The following TTC39A variants were observed in gnomAD, a reference collection of about 807,000 sequenced individuals.
TTC39A encodes tetratricopeptide repeat protein 39A.
TTC39A carries 46 observed loss-of-function variants against 82.3 expected under a neutral mutation model. The ratio of observed to expected loss-of-function variants is 0.56; its 90% confidence interval spans 0.44 to 0.71. The LOEUF is 0.71. Ranked by LOEUF, TTC39A falls within the 30% of genes least tolerant of loss-of-function variation. The pLI is 0.00. For missense variants in TTC39A, 543 were observed against 712.9 expected, an observed-to-expected ratio of 0.76 and a Z score of 2.71; for synonymous variants, 254 against 275.2, an observed-to-expected ratio of 0.92 and a Z score of 0.76.
At chr1:51,323,737 T>C (rs1645611258) in intron 1 of TTC39A, among the ~76,000 whole-genome samples, 1 of 152,228 alleles carries the variant, frequency 6.6e-6, no homozygotes, top group African/African-American at 2.4e-5. Context: ...TGGTTCTTTT[T>C]CAAATCTTAG....
chr1:51,319,245 A>G (rs1157504830), intron 2 of TTC39A, among the ~76,000 whole-genome samples: 2 of 152,176 alleles, frequency 1.3e-5, no homozygotes, highest in African/African-American at 4.8e-5. Context: ...GGTTACAGAG[A>G]TAAAGAAGTC....
chr1:51,302,706 CTAG>C, intron 9 of TTC39A, 133 bp from the exon 10 acceptor site: 3 of 984,480 alleles, frequency 3.0e-6, no homozygotes, highest in Non-Finnish European at 4.7e-6. Context: ...CTCCCTGTCC[CTAG>C]GGTGACATGA....
At chr1:51,340,132 T>C (rs116141944) in intron 1 of TTC39A, among the ~76,000 whole-genome samples, 4,834 of 152,306 alleles carry the variant, frequency 0.032, 127 homozygotes, top group Non-Finnish European at 0.05. Context: ...CCTCCCGAAC[T>C]GTGAGAAATA....
upstream of TTC39A, chr1:51,331,223 C>A: frequency 6.5e-7 from 1 of 1,549,950 alleles, no homozygotes; most frequent in Non-Finnish European, 8.7e-7. Context: ...GGCCCCTTTC[C>A]CCCTTGGCCC....
At chr1:51,344,838 C>T (rs1480412131) in intron 1 of TTC39A, among the ~76,000 whole-genome samples, 2 of 152,190 alleles carry the variant, frequency 1.3e-5, no homozygotes, top group African/African-American at 4.8e-5. Context: ...CGGCGCTGCC[C>T]CTCTCGGGCC....
chr1:51,297,647 G>A, intron 12 of TTC39A: 1 of 152,374 alleles, frequency 6.6e-6, no homozygotes, highest in Non-Finnish European at 1.5e-5. Flanking sequence ...CTTGCCCTAC[G>A]GCTCTCATTA....
chr1:51,289,894 G>T, intron 16 of TTC39A, 111 bp downstream of exon 16: 1 of 774,522 alleles, frequency 1.3e-6, no homozygotes, highest in Non-Finnish European at 2.1e-6. Context: ...CCTGTGTGGT[G>T]AGTGGGGGTT....
chr1:51,292,431 CTATTT>C (rs1273966155), intron 14 of TTC39A, among the ~76,000 whole-genome samples: 3 of 151,944 alleles, frequency 2.0e-5, no homozygotes, highest in African/African-American at 4.8e-5. Flanking sequence ...ATGTTTCATT[CTATTT>C]TATTTTATTT....
intron 1 of TTC39A, among the ~76,000 whole-genome samples, chr1:51,344,152 T>G (rs567856234): frequency 6.6e-6 from 1 of 152,310 alleles, no homozygotes; most frequent in African/African-American, 2.4e-5. Context: ...GACCATTCAC[T>G]GACACGGGGA....
intron 12 of TTC39A, 80 bp downstream of exon 12, chr1:51,301,492 G>C: frequency 6.8e-7 from 1 of 1,480,758 alleles, no homozygotes; most frequent in East Asian, 2.5e-5. Flanking sequence ...TCTGTGTTCA[G>C]TTAGGGATTT....
chr1:51,291,228 C>T (rs962372547), intron 14 of TTC39A, among the ~76,000 whole-genome samples: 9 of 152,074 alleles, frequency 5.9e-5, no homozygotes, highest in Non-Finnish European at 8.8e-5. Flanking sequence ...CAGCGGCTCA[C>T]GCCTGTAATC....
intron 3 of TTC39A, among the ~76,000 whole-genome samples, chr1:51,312,533 T>C (rs942336152): frequency 6.6e-6 from 1 of 152,134 alleles, no homozygotes; most frequent in African/African-American, 2.4e-5. Flanking sequence ...CTCTCCTTAA[T>C]GTCTCTTCGT....
At chr1:51,331,118 G>A (rs1006060626), upstream of TTC39A, 212 of 1,324,398 alleles carry the variant, frequency 1.6e-4, no homozygotes, top group Non-Finnish European at 2.1e-4. Flanking sequence ...GGAAACTGAG[G>A]CATGGGGTTC....
intron 3 of TTC39A, 66 bp downstream of exon 3, chr1:51,312,746 G>T: frequency 6.3e-7 from 1 of 1,577,882 alleles, no homozygotes; most frequent in East Asian, 2.3e-5. Flanking sequence ...TTAGGCCCTG[G>T]AATGGGCCAG....
At chr1:51,333,391 G>C (rs1444269546), upstream of TTC39A, among the ~76,000 whole-genome samples, 1 of 152,210 alleles carries the variant, frequency 6.6e-6, no homozygotes, top group Non-Finnish European at 1.5e-5. Flanking sequence ...TTCTGGTCCA[G>C]AGCATTTTGG....
chr1:51,317,751 A>AAAAC (rs768478350), intron 2 of TTC39A, among the ~76,000 whole-genome samples: 2 of 152,216 alleles, frequency 1.3e-5, no homozygotes, highest in Admixed American at 6.5e-5. Context: ...CTCTGTCTCA[A>AAAAC]AAACAAACAA....
At chr1:51,335,475 C>T (rs1369000033), upstream of TTC39A, among the ~76,000 whole-genome samples, 1 of 149,456 alleles carries the variant, frequency 6.7e-6, no homozygotes, top group East Asian at 2.0e-4. Context: ...GCAGGAGAAT[C>T]ACTTGAACCC....
rs754097227 is a variant in TTC39A, at chr1:51,290,578, C to T, written c.1314G>A (p.Pro438=). Residue 438 remains proline (P), a synonymous_variant, in exon 15 of 18, where the codon CCG becomes CCA. Transcript: ENST00000680483. ...WNGYAVIGKQ[P]KLTDGILEII... Reference sequence around the variant, plus strand: ...TCTCAAGTATCCCATCCGTGAGTTTCGGCTGCTTCCCAATCACGGCGTAGC... The same window carrying T: ...TCTCAAGTATCCCATCCGTGAGTTTTGGCTGCTTCCCAATCACGGCGTAGC... The T allele has an allele frequency of 1.7e-5, 27 of 1,613,850 alleles. No individual in the cohort carries two copies. Among genetic ancestry groups the T allele is most frequent in the African/African-American group, 5.3e-5 (4 of 74,942 alleles).
In TTC39A at chr1:51,288,140, G is replaced by T. The variant is rs635590; in HGVS notation, c.*17C>A. The T allele has an allele frequency of 6.2e-7, 1 of 1,613,538 alleles. No individual in the cohort carries two copies. Among genetic ancestry groups the T allele is most frequent in the Admixed American group, 1.7e-5 (1 of 59,990 alleles). The stretch of plus-strand genomic sequence containing the variant: ...TCCAGCTGTCTCTGTCTTCCAGCCC[G>T]GAACTGCTGCACAAAGCTACAAGGA... On this transcript the variant is annotated 3_prime_UTR_variant, in exon 18 of 18. Coordinates refer to ENST00000680483, the MANE Select transcript of TTC39A (RefSeq NM_001297663.2). This position sits in a 1 kb window ranked among gnomAD's most constrained non-coding sequence, Gnocchi z 4.8.
Sources: allele counts gnomAD v4.1 joint callset (sites outside exome capture counted in the v4.1 genomes callset), GRCh38; gene constraint gnomAD v4.1.1; non-coding constraint Gnocchi (gnomAD v3.1); transcripts MANE v1.5; gene names NCBI Gene and HGNC (gene_info 2026-07-23, HGNC 2026-07-21).